Variants in ABCD3 observed in about 807,000 individuals in gnomAD.
The protein encoded by ABCD3 is ATP binding cassette subfamily D member 3, also known as ATP-binding cassette sub-family D member 3.
In ABCD3, 41 loss-of-function variants were observed where a neutral mutation model predicts 105.5. The observed-to-expected ratio is 0.39, with a 90% CI of 0.30 to 0.50. ABCD3 has a LOEUF of 0.50. Ranked by LOEUF, ABCD3 falls within the 20% of genes least tolerant of loss-of-function variation. The pLI, the probability that ABCD3 is intolerant of heterozygous loss-of-function variation, is 0.84. For synonymous variants in ABCD3, 258 were observed against 269.0 expected (o/e 0.96, Z 0.40); for missense variants, 622 against 806.3 (o/e 0.77, Z 2.77).
intron 1 of ABCD3, chr1:94,455,877 A>G (rs2100952646): frequency 4.1e-6 from 5 of 1,219,364 alleles, no homozygotes; most frequent in Non-Finnish European, 5.2e-6. Context: ...ATTTATCTCT[A>G]AGTATCAATT....
At chr1:94,484,095 A>G (rs1005868067) in intron 10 of ABCD3, among the ~76,000 whole-genome samples, 3 of 152,252 alleles carry the variant, frequency 2.0e-5, no homozygotes, top group Admixed American at 6.5e-5. Flanking sequence ...GTGAGACACT[A>G]TCTCACACCA....
chr1:94,444,680 C>T (rs1031176259), intron 1 of ABCD3, among the ~76,000 whole-genome samples: 35 of 152,196 alleles, frequency 2.3e-4, no homozygotes, highest in African/African-American at 7.0e-4. Flanking sequence ...GACTTTTCAC[C>T]ACCCCAAAGT....
the ABCD3 span, among the ~76,000 whole-genome samples, chr1:94,411,800 A>G: frequency 2.0e-5 from 3 of 152,198 alleles, no homozygotes; most frequent in East Asian, 5.8e-4. Flanking sequence ...GAATGAAATT[A>G]TTCATCCATA....
intron 1 of ABCD3, among the ~76,000 whole-genome samples, chr1:94,455,071 G>A (rs527913192): frequency 6.6e-6 from 1 of 152,276 alleles, no homozygotes; most frequent in Non-Finnish European, 1.5e-5. Context: ...TTTAGTGCCA[G>A]TATTGTGTTT....
At chr1:94,472,205 A>G (rs1336244387) in intron 4 of ABCD3, 1 of 981,288 alleles carries the variant, frequency 1.0e-6, no homozygotes, top group Non-Finnish European at 1.2e-6. Context: ...GCTTTATTCA[A>G]GAAACCATTT....
At chr1:94,511,855 G>A (rs1432331291) in intron 21 of ABCD3, among the ~76,000 whole-genome samples, 4 of 151,900 alleles carry the variant, frequency 2.6e-5, no homozygotes, top group Non-Finnish European at 5.9e-5. Flanking sequence ...GCTCCTTTAA[G>A]CACTTCCCTG....
chr1:94,406,335 G>GTTTTT, the ABCD3 span: 15 of 179,274 alleles, frequency 8.4e-5, 3 homozygotes, highest in East Asian at 3.0e-4. Context: ...ATAGTATTTT[G>GTTTTT]TTTTGTTTTT....
intron 21 of ABCD3, among the ~76,000 whole-genome samples, chr1:94,512,643 C>T (rs3849301): frequency 0.079 from 12,069 of 151,882 alleles, 639 homozygotes; most frequent in South Asian, 0.17. Flanking sequence ...TATTTTCTAG[C>T]CTGAGCAATA....
intron 20 of ABCD3, among the ~76,000 whole-genome samples, chr1:94,500,217 C>A (rs571921595): frequency 6.6e-6 from 1 of 151,974 alleles, no homozygotes; most frequent in East Asian, 1.9e-4. Context: ...CAAAAATATG[C>A]GCTAAACACT....
the ABCD3 span, among the ~76,000 whole-genome samples, chr1:94,412,581 TTATACC>T: frequency 2.6e-5 from 4 of 152,224 alleles, no homozygotes; most frequent in Admixed American, 6.5e-5. Context: ...CAAAGATGCA[TTATACC>T]TATGATATTT....
intron 7 of ABCD3, among the ~76,000 whole-genome samples, chr1:94,476,093 C>T (rs1311179283): frequency 6.6e-6 from 1 of 152,180 alleles, no homozygotes; most frequent in Non-Finnish European, 1.5e-5. Flanking sequence ...ACACTTATAA[C>T]ACTAGACTAG....
intron 16 of ABCD3, among the ~76,000 whole-genome samples, chr1:94,496,278 T>A (rs1649794599): frequency 6.6e-6 from 1 of 152,184 alleles, no homozygotes; most frequent in Non-Finnish European, 1.5e-5. Context: ...TGGTAACCTC[T>A]CATGCTGTCT....
intron 16 of ABCD3, among the ~76,000 whole-genome samples, chr1:94,492,764 C>T (rs944534274): frequency 6.6e-6 from 1 of 152,044 alleles, no homozygotes; most frequent in Non-Finnish European, 1.5e-5. Context: ...ATAAAATATA[C>T]CAATAATATA....
At chr1:94,496,546 A>C (rs1326134255) in intron 16 of ABCD3, among the ~76,000 whole-genome samples, 2 of 151,700 alleles carry the variant, frequency 1.3e-5, no homozygotes, top group Non-Finnish European at 2.9e-5. Context: ...TATTGTGAAC[A>C]ATGCTGATGG....
intron 1 of ABCD3, among the ~76,000 whole-genome samples, chr1:94,438,299 C>T (rs77649428): frequency 0.027 from 2,120 of 79,506 alleles, 8 homozygotes; most frequent in Middle Eastern, 0.065. Context: ...CACACACACA[C>T]ATACACACAC....
chr1:94,516,477 G>A (rs1023981176), intron 22 of ABCD3, among the ~76,000 whole-genome samples: 12 of 151,874 alleles, frequency 7.9e-5, no homozygotes, highest in Non-Finnish European at 1.8e-4. Context: ...ATAGCCATAG[G>A]ACATTGAGAG....
intron 1 of ABCD3, 131 bp downstream of exon 1, chr1:94,418,719 C>T (rs1187367517): frequency 6.2e-5 from 56 of 901,476 alleles, no homozygotes; most frequent in Non-Finnish European, 9.0e-5. Flanking sequence ...ACCGCGACTG[C>T]CGTGGGACTT....
intron 16 of ABCD3, among the ~76,000 whole-genome samples, chr1:94,496,351 T>C (rs1404256566): frequency 6.6e-6 from 1 of 152,206 alleles, no homozygotes; most frequent in Non-Finnish European, 1.5e-5. Context: ...TTTGTCCTTT[T>C]GTGGCTGGCT....
At chr1:94,492,276 G>T (rs1649571255) in intron 16 of ABCD3, among the ~76,000 whole-genome samples, 1 of 151,950 alleles carries the variant, frequency 6.6e-6, no homozygotes, top group African/African-American at 2.4e-5. Context: ...AAGGAATATT[G>T]TCTGATAGTT....
Sources: allele counts gnomAD v4.1 joint callset (sites outside exome capture counted in the v4.1 genomes callset), GRCh38; gene constraint gnomAD v4.1.1; transcripts MANE v1.5; gene names NCBI Gene and HGNC (gene_info 2026-07-23, HGNC 2026-07-21).